The following ANKS1B variants were observed in gnomAD, a reference collection of about 807,000 sequenced individuals.
ANKS1B encodes the protein ankyrin repeat and sterile alpha motif domain containing 1B, also known as ankyrin repeat and sterile alpha motif domain-containing protein 1B.
Under a neutral mutation model 148.3 loss-of-function variants are expected in ANKS1B, and 36 were observed. That is an observed-to-expected ratio of 0.24 (90% CI 0.19 to 0.32). The LOEUF (loss-of-function observed/expected upper bound fraction) is 0.32. ANKS1B is among the 10% of genes least tolerant of loss of function. The pLI is 1.00. For synonymous variants in ANKS1B, 542 were observed against 560.8 expected (o/e 0.97, Z 0.47); for missense variants, 1,157 against 1,542.6 (o/e 0.75, Z 4.19).
intron 17 of ANKS1B, among the ~76,000 whole-genome samples, chr12:98,985,492 T>G (rs543050272): frequency 3.3e-5 from 5 of 152,104 alleles, no homozygotes; most frequent in Admixed American, 1.3e-4. Flanking sequence ...GATTACATTT[T>G]ATTTTTCAGG....
rs569036138 is a variant in ANKS1B, at chr12:99,458,712, A to C, written c.1439-14903T>G. On this transcript the variant is annotated intron_variant, in intron 10 of 26. Coordinates refer to ENST00000683438, the MANE Select transcript of ANKS1B (RefSeq NM_001352186.2). ...TATAACCCTCCTAGATTAAACCAGG[A>C]AGAAATAGAAACTCTGAACAGACCA... 3.3e-5 allele frequency among the ~76,000 whole-genome samples: 5 copies of C among 152,186 alleles called. No individual in the cohort carries two copies. In the South Asian group the frequency reaches 8.3e-4, roughly 25 times the overall value.
intron 1 of ANKS1B, among the ~76,000 whole-genome samples, chr12:99,920,397 G>C (rs1031314384): frequency 6.6e-6 from 1 of 150,644 alleles, no homozygotes; most frequent in Admixed American, 6.6e-5. Context: ...CTGTCTACTA[G>C]AAAAAATAAA....
At chr12:99,412,353 T>C (rs1483782300) in intron 11 of ANKS1B, among the ~76,000 whole-genome samples, 2 of 152,204 alleles carry the variant, frequency 1.3e-5, no homozygotes, top group South Asian at 2.1e-4. Flanking sequence ...TAGATACTTA[T>C]TACCATCTGG....
intron 9 of ANKS1B, among the ~76,000 whole-genome samples, chr12:99,521,726 A>G (rs998095881): frequency 2.7e-5 from 4 of 150,572 alleles, no homozygotes; most frequent in African/African-American, 7.4e-5. Flanking sequence ...CTCTCTCTCA[A>G]TCTCTCGCTC....
intron 1 of ANKS1B, among the ~76,000 whole-genome samples, chr12:99,913,727 T>TG (rs552452387): frequency 2.2e-3 from 332 of 152,090 alleles, no homozygotes; most frequent in African/African-American, 7.6e-3. Flanking sequence ...TATATATATT[T>TG]GGGGGAGTTG....
chr12:99,467,616 A>G (rs1320152882), intron 10 of ANKS1B, among the ~76,000 whole-genome samples: 1 of 152,226 alleles, frequency 6.6e-6, no homozygotes, highest in Non-Finnish European at 1.5e-5. Flanking sequence ...TCAATGTACA[A>G]AAATCACAAG....
At chr12:99,799,933 G>A (rs2153655060) in intron 4 of ANKS1B, among the ~76,000 whole-genome samples, 1 of 152,254 alleles carries the variant, frequency 6.6e-6, no homozygotes. Flanking sequence ...TTTCCTCTGA[G>A]TGAAATGGAA....
intron 12 of ANKS1B, among the ~76,000 whole-genome samples, chr12:99,288,484 A>G (rs1013084761): frequency 2.0e-5 from 3 of 152,166 alleles, no homozygotes; most frequent in Admixed American, 1.3e-4. Flanking sequence ...TACAAAACTC[A>G]CTGGTCATAA....
intron 12 of ANKS1B, among the ~76,000 whole-genome samples, chr12:99,280,842 CTCTCTCTCTCTCTCTCTCTCTCTGTCTG>C (rs1025866631): frequency 4.3e-5 from 6 of 140,714 alleles, no homozygotes; most frequent in Non-Finnish European, 7.6e-5. Flanking sequence ...TATAATAAAT[CTCTCTCTCTCTCTCTCTCTCTCTGTCTG>C]TCTCTCTCTC....
chr12:98,842,824 A>T (rs1188238579), intron 17 of ANKS1B, among the ~76,000 whole-genome samples: 1 of 152,244 alleles, frequency 6.6e-6, no homozygotes, highest in Non-Finnish European at 1.5e-5. Flanking sequence ...GTACTATTTA[A>T]CTATAGGCTA....
At chr12:98,899,039 A>G (rs1484141183) in intron 17 of ANKS1B, among the ~76,000 whole-genome samples, 1 of 152,208 alleles carries the variant, frequency 6.6e-6, no homozygotes, top group African/African-American at 2.4e-5. Context: ...AAAAATCCAA[A>G]GATGGTGGTA....
rs144904607 is a variant in ANKS1B, at chr12:98,906,271, T to C, written c.2779-74135A>G. 5.4e-3 allele frequency among the ~76,000 whole-genome samples: 826 copies of C among 152,180 alleles called. 10 individuals carry two copies. The highest frequency in any genetic ancestry group is 0.019 in the African/African-American group (776 of 41,510). On this transcript the variant is annotated intron_variant, in intron 17 of 26. Transcript: ENST00000683438. ...CTGCATAAAAGTGCCCCTGCAGGTC[T>C]GCTATATTGAAATGTGTGGAATCAA...
At chr12:99,926,763 G>A (rs2094486940) in intron 1 of ANKS1B, among the ~76,000 whole-genome samples, 1 of 152,156 alleles carries the variant, frequency 6.6e-6, no homozygotes, top group Non-Finnish European at 1.5e-5. Context: ...ATTAACTCCT[G>A]CTAAAGCATC....
intron 14 of ANKS1B, among the ~76,000 whole-genome samples, chr12:99,220,637 C>T (rs888135747): frequency 8.6e-5 from 13 of 151,376 alleles, no homozygotes; most frequent in Non-Finnish European, 1.3e-4. Flanking sequence ...TTAGTAGAGA[C>T]GGGGTTTCAC....
chr12:99,735,441 T>C (rs1604177), intron 8 of ANKS1B, among the ~76,000 whole-genome samples: 27,391 of 151,842 alleles, frequency 0.18, 2,926 homozygotes, highest in East Asian at 0.46. Context: ...TCACAACCAA[T>C]ACCTTAGAAA....
intron 8 of ANKS1B, among the ~76,000 whole-genome samples, chr12:99,709,626 C>A (rs1328786524): frequency 6.6e-6 from 1 of 151,982 alleles, no homozygotes; most frequent in East Asian, 1.9e-4. Context: ...ATCTAAATAT[C>A]CATAATGGGG....
intron 17 of ANKS1B, among the ~76,000 whole-genome samples, chr12:99,008,989 C>T (rs2099937745): frequency 6.6e-6 from 1 of 152,184 alleles, no homozygotes; most frequent in Non-Finnish European, 1.5e-5. Flanking sequence ...ACACAGGATG[C>T]TGGAGCCTGC....
At chr12:98,978,462 T>C (rs2099901769) in intron 17 of ANKS1B, among the ~76,000 whole-genome samples, 1 of 152,180 alleles carries the variant, frequency 6.6e-6, no homozygotes, top group Admixed American at 6.5e-5. Flanking sequence ...CTCTGGTCAA[T>C]ATGTGATTAT....
At chr12:99,773,116 C>T (rs770726025) in intron 7 of ANKS1B, 28 bp from the exon 8 acceptor site, 2 of 1,571,006 alleles carry the variant, frequency 1.3e-6, no homozygotes, top group African/African-American at 1.4e-5. Flanking sequence ...TCAGAAGTTT[C>T]AAGAAAGGCT....
Sources: allele counts gnomAD v4.1 joint callset (sites outside exome capture counted in the v4.1 genomes callset), GRCh38; gene constraint gnomAD v4.1.1; transcripts MANE v1.5; gene names NCBI Gene and HGNC (gene_info 2026-07-23, HGNC 2026-07-21).